The following RSRC1 variants were observed in gnomAD, a reference collection of about 807,000 sequenced individuals.
The protein encoded by RSRC1 is arginine and serine rich coiled-coil 1.
A neutral mutation model predicts 49.1 loss-of-function variants in RSRC1; 39 were observed. That is an observed-to-expected ratio of 0.79 (90% CI 0.61 to 1.04). The LOEUF (loss-of-function observed/expected upper bound fraction) is 1.04, where lower values mean the gene tolerates loss of function less well. RSRC1 is among the 50% of genes least tolerant of loss of function. The pLI is 0.00. For synonymous variants in RSRC1, 143 were observed against 130.8 expected (o/e 1.09, Z -0.63); for missense variants, 388 against 402.4 (o/e 0.96, Z 0.31).
At chr3:158,249,468 T>C (rs1194250639) in intron 4 of RSRC1, among the ~76,000 whole-genome samples, 1 of 152,238 alleles carries the variant, frequency 6.6e-6, no homozygotes, top group Non-Finnish European at 1.5e-5. Context: ...AATAGTATTC[T>C]ATTAAATATT....
rs1722681452 is a variant in RSRC1, at chr3:158,228,865, A to AAACACATACGTGTATATG, written c.494+25620_494+25621insAACACATACGTGTATATG. ...TATATAAACACACATACGTGTATAT[A>AAACACATACGTGTATATG]TGTATATAAACACATACGTGTAATG... On this transcript the variant is annotated intron_variant, in intron 4 of 9. Coordinates refer to ENST00000611884, the MANE Select transcript of RSRC1 (RefSeq NM_001271838.2). Among the ~76,000 whole-genome samples the AAACACATACGTGTATATG allele has an allele frequency of 1.8e-4, 11 of 60,018 alleles. 2 individuals carry two copies. Among genetic ancestry groups the AAACACATACGTGTATATG allele is most frequent in the Non-Finnish European group, 2.7e-4 (9 of 32,782 alleles). 39.4% of individuals were successfully genotyped at this position (60,018 alleles called of 152,430 possible).
chr3:158,311,868 C>CA (rs764005565), intron 5 of RSRC1, among the ~76,000 whole-genome samples: 10 of 150,298 alleles, frequency 6.7e-5, no homozygotes, highest in East Asian at 2.0e-4. Context: ...CTCAGTAAAC[C>CA]AAAAAAAATA....
At position 158,110,139 on chromosome 3, in the gene RSRC1, G is replaced by A. The variant is rs186338982; in HGVS notation, c.-87G>A. 1 of 152,192 alleles carries A rather than the reference G, an allele frequency of 6.6e-6. No individual in the cohort carries two copies. The highest frequency in any genetic ancestry group is 2.4e-5 in the African/African-American group (1 of 41,426). 9.4% of individuals were successfully genotyped at this position (152,192 alleles called of 1,614,324 possible). Reference sequence around the variant, plus strand: ...ACTGAAGCAAGTTCGGTGGACGCCGGCGGCGCCCTGATCTAAAGAAACGAC... The same window carrying A: ...ACTGAAGCAAGTTCGGTGGACGCCGACGGCGCCCTGATCTAAAGAAACGAC... On this transcript the variant is annotated 5_prime_UTR_variant, in exon 1 of 10. Coordinates refer to ENST00000611884, the MANE Select transcript of RSRC1 (RefSeq NM_001271838.2).
chr3:158,153,154 A>T (rs1304491728), intron 3 of RSRC1, among the ~76,000 whole-genome samples: 1 of 152,158 alleles, frequency 6.6e-6, no homozygotes, highest in Non-Finnish European at 1.5e-5. Context: ...GACTGAGCAA[A>T]TTCTCAGTCA....
At chr3:158,173,239 A>T (rs1718987427) in intron 3 of RSRC1, among the ~76,000 whole-genome samples, 1 of 151,950 alleles carries the variant, frequency 6.6e-6, no homozygotes, top group Non-Finnish European at 1.5e-5. Context: ...TAAAACAATC[A>T]TCTATTGGTG....
At chr3:158,334,003 G>A (rs1345445786) in intron 5 of RSRC1, among the ~76,000 whole-genome samples, 4 of 152,134 alleles carry the variant, frequency 2.6e-5, no homozygotes, top group Non-Finnish European at 1.5e-5. Context: ...TCCTAAAAGG[G>A]TCAGGAAAGA....
At chr3:158,366,560 T>C (rs1731780772) in intron 6 of RSRC1, among the ~76,000 whole-genome samples, 1 of 152,200 alleles carries the variant, frequency 6.6e-6, no homozygotes, top group African/African-American at 2.4e-5. Flanking sequence ...CCTTGTATTA[T>C]AGTTTGAAGT....
chr3:158,211,656 C>T (rs1028088511), intron 4 of RSRC1, among the ~76,000 whole-genome samples: 3 of 151,902 alleles, frequency 2.0e-5, no homozygotes, highest in Admixed American at 6.6e-5. Context: ...TTTTGATCAT[C>T]TCAAGTCATT....
At chr3:158,339,879 G>A (rs1390588557) in intron 5 of RSRC1, among the ~76,000 whole-genome samples, 1 of 152,200 alleles carries the variant, frequency 6.6e-6, no homozygotes, top group Non-Finnish European at 1.5e-5. Flanking sequence ...GGAAGACAGA[G>A]CAGGAAATTG....
At chr3:158,512,630 A>G (rs1740254785) in intron 7 of RSRC1, among the ~76,000 whole-genome samples, 1 of 151,410 alleles carries the variant, frequency 6.6e-6, no homozygotes, top group South Asian at 2.1e-4. Flanking sequence ...ACTTTAAAGT[A>G]GTTTTTTCCA....
At chr3:158,469,055 A>T (rs1399458229) in intron 7 of RSRC1, among the ~76,000 whole-genome samples, 2 of 152,184 alleles carry the variant, frequency 1.3e-5, no homozygotes, top group African/African-American at 4.8e-5. Context: ...TGAAGGAGAG[A>T]ATATATCACA....
chr3:158,437,462 A>G (rs1736113541), intron 6 of RSRC1, among the ~76,000 whole-genome samples: 1 of 152,140 alleles, frequency 6.6e-6, no homozygotes, highest in African/African-American at 2.4e-5. Flanking sequence ...AAGCTTATTG[A>G]CCATGATCAA....
intron 4 of RSRC1, among the ~76,000 whole-genome samples, chr3:158,233,455 T>C (rs1432176123): frequency 2.0e-5 from 3 of 152,160 alleles, no homozygotes; most frequent in Non-Finnish European, 2.9e-5. Context: ...ATTAGGAATC[T>C]GAGTTAATGA....
rs561943500 is a variant in RSRC1, at chr3:158,160,314, T to C, written c.320+36323T>C. 7.2e-5 allele frequency among the ~76,000 whole-genome samples: 11 copies of C among 152,318 alleles called. No homozygotes were observed. The South Asian group carries it at 2.3e-3, about 32-fold the overall frequency. ...TTCTACTACTAAGTTTTAATTTGTA[T>C]AGTACATCTTCTGAATAACTCAAAT... On this transcript the variant is annotated intron_variant, in intron 3 of 9. Transcript: ENST00000611884.
chr3:158,202,188 T>C (rs1721085499), intron 3 of RSRC1, among the ~76,000 whole-genome samples: 2 of 152,114 alleles, frequency 1.3e-5, no homozygotes, highest in Non-Finnish European at 2.9e-5. Flanking sequence ...CTAATTTTTA[T>C]ATTTTTAGTA....
chr3:158,233,939 A>T (rs532073671), intron 4 of RSRC1, among the ~76,000 whole-genome samples: 2 of 152,154 alleles, frequency 1.3e-5, no homozygotes, highest in Admixed American at 1.3e-4. Flanking sequence ...ATCTCCCTGG[A>T]TAACCTGCTG....
chr3:158,157,415 CGTA>C (rs1214222292), intron 3 of RSRC1, among the ~76,000 whole-genome samples: 3 of 152,060 alleles, frequency 2.0e-5, no homozygotes, highest in Non-Finnish European at 4.4e-5. Flanking sequence ...TGAAGAGAAA[CGTA>C]GGAATATCTG....
At chr3:158,272,850 T>C (rs1725596839) in intron 4 of RSRC1, among the ~76,000 whole-genome samples, 1 of 152,028 alleles carries the variant, frequency 6.6e-6, no homozygotes, top group African/African-American at 2.4e-5. Flanking sequence ...TATTTACATT[T>C]TCTACCCATT....
chr3:158,144,921 A>C lies in RSRC1; in HGVS notation c.320+20930A>C, dbSNP rs577464956. The stretch of plus-strand genomic sequence containing the variant: ...CATTTTTTCTTGTGTCTGTTGGCTG[A>C]ATAAATGTCTTCTTTTGAGAAGTGT... On this transcript the variant is annotated intron_variant, in intron 3 of 9. Transcript: ENST00000611884. Among the ~76,000 whole-genome samples, 405 of 152,282 alleles carry C rather than the reference A, an allele frequency of 2.7e-3. 4 individuals carry two copies. The highest frequency in any genetic ancestry group is 2.3e-3 in the East Asian group (12 of 5,184).
Sources: gnomAD v4.1 joint callset for allele counts (sites outside exome capture counted in the v4.1 genomes callset) on GRCh38, gnomAD v4.1.1 for gene constraint, MANE v1.5 for transcripts, NCBI Gene and HGNC (gene_info 2026-07-23, HGNC 2026-07-21) for gene names.